Variants in FBXL13 observed in about 807,000 individuals in gnomAD.
The protein encoded by FBXL13 is F-box and leucine rich repeat protein 13, also known as F-box and leucine-rich repeat protein 13.
In FBXL13, 67 loss-of-function variants were observed where a neutral mutation model predicts 83.6. That is an observed-to-expected ratio of 0.80 (90% CI 0.66 to 0.98). FBXL13 has a LOEUF of 0.98. FBXL13 is among the 50% of genes least tolerant of loss of function. The pLI is 0.00. For synonymous variants in FBXL13, 272 were observed against 299.5 expected (o/e 0.91, Z 0.95); for missense variants, 822 against 866.5 (o/e 0.95, Z 0.64).
chr7:102,922,980 CA>C (rs563556141), intron 10 of FBXL13, among the ~76,000 whole-genome samples: 3 of 150,064 alleles, frequency 2.0e-5, no homozygotes, highest in African/African-American at 7.4e-5. Context: ...TCCGTCTCAA[CA>C]AAAAAAAGAA....
intron 18 of FBXL13, among the ~76,000 whole-genome samples, chr7:102,827,775 T>C (rs982055485): frequency 3.3e-5 from 5 of 151,830 alleles, no homozygotes; most frequent in African/African-American, 9.7e-5. Context: ...GAACATGCAG[T>C]GTTTGGTTTT....
chr7:102,936,830 A>G (rs1421155164), intron 8 of FBXL13, among the ~76,000 whole-genome samples: 4 of 152,234 alleles, frequency 2.6e-5, no homozygotes, highest in Non-Finnish European at 5.9e-5. Context: ...CTAAGAAGAG[A>G]TAACATGTGA....
At chr7:102,941,297 C>T (rs1821370448) in intron 8 of FBXL13, among the ~76,000 whole-genome samples, 1 of 152,102 alleles carries the variant, frequency 6.6e-6, no homozygotes, top group African/African-American at 2.4e-5. Context: ...GTGTCATGTC[C>T]ACAAAGCCAG....
intron 7 of FBXL13, among the ~76,000 whole-genome samples, chr7:102,965,317 G>GT (rs1199380800): frequency 6.6e-6 from 1 of 151,920 alleles, no homozygotes; most frequent in Non-Finnish European, 1.5e-5. Flanking sequence ...CTAAGGCTTA[G>GT]TTTTTTTTCA....
chr7:102,823,569 C>T lies in FBXL13; in HGVS notation c.1855-1366G>A, dbSNP rs11770539. ...CTACAGAGGTAATTCAAGTATACTA[C>T]TTAGAGTATTTCACTTACTCCAGGA... On this transcript the variant is annotated intron_variant, in intron 18 of 19. Transcript: ENST00000313221. Among the ~76,000 whole-genome samples the T allele has an allele frequency of 3.5e-3, 530 of 152,308 alleles. 1 individual carries two copies. Among genetic ancestry groups the T allele is most frequent in the Non-Finnish European group, 4.6e-3 (316 of 68,036 alleles).
intron 19 of FBXL13, among the ~76,000 whole-genome samples, chr7:102,818,507 A>C (rs920038272): frequency 1.3e-5 from 2 of 152,244 alleles, no homozygotes; most frequent in East Asian, 1.9e-4. Context: ...AAAAGTCAAC[A>C]GCTCCACATC....
intron 17 of FBXL13, among the ~76,000 whole-genome samples, chr7:102,852,611 G>A (rs2129451225): frequency 6.6e-6 from 1 of 152,154 alleles, no homozygotes; most frequent in Non-Finnish European, 1.5e-5. Context: ...AAATGATCAG[G>A]GAAATGTAAA....
At chr7:102,921,419 C>T (rs960028924) in intron 10 of FBXL13, among the ~76,000 whole-genome samples, 5 of 152,120 alleles carry the variant, frequency 3.3e-5, no homozygotes, top group African/African-American at 1.2e-4. Flanking sequence ...GTGGCTCATG[C>T]CTGTAATCCC....
chr7:102,940,138 C>A (rs1821110176), intron 8 of FBXL13, among the ~76,000 whole-genome samples: 1 of 152,026 alleles, frequency 6.6e-6, no homozygotes. Flanking sequence ...AGGTGATCCG[C>A]CCACCTTGGC....
chr7:102,875,752 C>A (rs1809150656), intron 16 of FBXL13, among the ~76,000 whole-genome samples: 1 of 152,198 alleles, frequency 6.6e-6, no homozygotes, highest in South Asian at 2.1e-4. Flanking sequence ...AGCTTAGCAG[C>A]AGTAGGAAGC....
chr7:103,011,935 GGATATCGTCCATGAAAATTT>G (rs1563216313), intron 6 of FBXL13, among the ~76,000 whole-genome samples: 1 of 152,132 alleles, frequency 6.6e-6, no homozygotes, highest in Non-Finnish European at 1.5e-5. Context: ...ACATATTTCA[GGATATCGTCCATGAAAATTT>G]CCCCAATCTT....
Position 102,983,975 on chromosome 7 carries a change from G to C in FBXL13, c.496-15858C>G, listed in dbSNP as rs76984773. Among the ~76,000 whole-genome samples, 49 of 152,168 alleles carry C rather than the reference G, an allele frequency of 3.2e-4. No homozygotes were observed. The East Asian group carries it at 9.1e-3, about 28-fold the overall frequency. On this transcript the variant is annotated intron_variant, in intron 6 of 19. Transcript: ENST00000313221. ...CTTCTTTTCTTTCAATACTTTGTTC[G>C]TGACATTAGGAGCAACAAGCCAACC...
intron 7 of FBXL13, 77 bp from the exon 9 acceptor site, chr7:102,963,742 A>C: frequency 1.5e-6 from 2 of 1,376,866 alleles, no homozygotes; most frequent in Non-Finnish European, 2.0e-6. Context: ...ATAATAGACA[A>C]ATGTGACCTA....
At chr7:102,975,925 A>G (rs1445752148) in intron 6 of FBXL13, 4 of 763,990 alleles carry the variant, frequency 5.2e-6, no homozygotes, top group Non-Finnish European at 9.6e-6. Flanking sequence ...AGCTCCACAC[A>G]GAAGCCTCCT....
intron 2 of FBXL13, among the ~76,000 whole-genome samples, chr7:103,054,183 G>A (rs533430811): frequency 3.6e-5 from 3 of 82,770 alleles, no homozygotes; most frequent in South Asian, 3.8e-4. Context: ...TCAGGAGTTC[G>A]AGACCAGCCT....
chr7:102,928,537 T>C (rs1332265052), intron 9 of FBXL13, among the ~76,000 whole-genome samples: 2 of 152,206 alleles, frequency 1.3e-5, no homozygotes, highest in African/African-American at 2.4e-5. Flanking sequence ...CTGTATATTA[T>C]TAGACTCCAA....
intron 6 of FBXL13, among the ~76,000 whole-genome samples, chr7:102,987,839 G>A (rs868541633): frequency 3.3e-5 from 5 of 152,208 alleles, no homozygotes; most frequent in African/African-American, 7.2e-5. Context: ...CATAAGAGAG[G>A]TGGGGAAGTA....
At chr7:103,034,289 G>T (rs987831898) in intron 2 of FBXL13, among the ~76,000 whole-genome samples, 4 of 152,174 alleles carry the variant, frequency 2.6e-5, no homozygotes, top group African/African-American at 9.6e-5. Flanking sequence ...ACCGTGGAGC[G>T]GGGGGCGGCG....
At chr7:102,881,028 T>C (rs1262195569) in intron 14 of FBXL13, among the ~76,000 whole-genome samples, 1 of 152,210 alleles carries the variant, frequency 6.6e-6, no homozygotes, top group African/African-American at 2.4e-5. Flanking sequence ...ACTGGATATT[T>C]CTCTTACTCT....
Sources: gnomAD v4.1 joint callset for allele counts (sites outside exome capture counted in the v4.1 genomes callset) on GRCh38, gnomAD v4.1.1 for gene constraint, MANE v1.5 for transcripts, NCBI Gene and HGNC (gene_info 2026-07-23, HGNC 2026-07-21) for gene names.